Variants in PLCG2 observed in about 807,000 individuals in gnomAD.
PLCG2 encodes 1-phosphatidylinositol 4,5-bisphosphate phosphodiesterase gamma-2.
Under a neutral mutation model 175.6 loss-of-function variants are expected in PLCG2, and 69 were observed. The ratio of observed to expected loss-of-function variants is 0.39; its 90% CI spans 0.32 to 0.48. The LOEUF (loss-of-function observed/expected upper bound fraction) is 0.48. Among genes scored for constraint, PLCG2 ranks in the 20% least tolerant of loss-of-function variants. PLCG2 has a pLI of 0.91. For missense variants in PLCG2, 1,798 were observed against 1,650.9 expected, an observed-to-expected ratio of 1.09 and a Z score of -1.54; for synonymous variants, 827 against 624.0, an observed-to-expected ratio of 1.33 and a Z score of -4.85.
At chr16:81,819,673 C>T (rs1904710245) in intron 2 of PLCG2, among the ~76,000 whole-genome samples, 1 of 152,194 alleles carries the variant, frequency 6.6e-6, no homozygotes, top group African/African-American at 2.4e-5. Context: ...CAACCTCCGC[C>T]TTCTGGTTTC....
At chr16:81,846,944 G>A (rs529806249) in intron 2 of PLCG2, among the ~76,000 whole-genome samples, 9 of 152,206 alleles carry the variant, frequency 5.9e-5, no homozygotes, top group South Asian at 4.2e-4. Context: ...ACACCAGTTT[G>A]GTGTCCTCTA....
chr16:81,865,355 A>C (rs1175596468), intron 5 of PLCG2, among the ~76,000 whole-genome samples: 1 of 152,010 alleles, frequency 6.6e-6, no homozygotes, highest in Non-Finnish European at 1.5e-5. Flanking sequence ...GCAGCACGAC[A>C]CACACACATC....
intron 2 of PLCG2, among the ~76,000 whole-genome samples, chr16:81,812,711 C>A (rs1051039982): frequency 1.1e-4 from 16 of 151,860 alleles, no homozygotes; most frequent in African/African-American, 3.9e-4. Flanking sequence ...GTTAATTTTG[C>A]CATTGCTTTT....
chr16:81,893,534 C>A (rs1306544675), intron 11 of PLCG2, among the ~76,000 whole-genome samples, 175 bp from the exon 12 acceptor site: 2 of 152,188 alleles, frequency 1.3e-5, no homozygotes, highest in East Asian at 3.8e-4. Context: ...CCAGTGTGAC[C>A]GTGGGATTGT....
At chr16:81,773,375 A>G (rs1200942723) in intron 2 of PLCG2, among the ~76,000 whole-genome samples, 1 of 152,174 alleles carries the variant, frequency 6.6e-6, no homozygotes, top group Non-Finnish European at 1.5e-5. Flanking sequence ...GTCCTAGTGG[A>G]GACTCCAGAC....
intron 2 of PLCG2, among the ~76,000 whole-genome samples, chr16:81,788,050 G>T (rs1265570745): frequency 1.3e-5 from 2 of 152,140 alleles, no homozygotes; most frequent in Non-Finnish European, 2.9e-5. Flanking sequence ...TTTTTGTGTG[G>T]ATGTCTGTTT....
At chr16:81,923,034 T>A (rs1597134434) in intron 21 of PLCG2, among the ~76,000 whole-genome samples, 1 of 152,270 alleles carries the variant, frequency 6.6e-6, no homozygotes, top group East Asian at 1.9e-4. Context: ...GCAGGAAGAA[T>A]GGGGTTGCCC....
chr16:81,800,856 A>G (rs1911688425), intron 2 of PLCG2, among the ~76,000 whole-genome samples: 1 of 152,108 alleles, frequency 6.6e-6, no homozygotes, highest in Non-Finnish European at 1.5e-5. Flanking sequence ...ATCTGGGTGG[A>G]TATGATGAAA....
At chr16:81,746,421 A>G (rs895571090) in intron 1 of PLCG2, among the ~76,000 whole-genome samples, 2 of 152,232 alleles carry the variant, frequency 1.3e-5, no homozygotes, top group Non-Finnish European at 2.9e-5. Flanking sequence ...AATGTAGTCG[A>G]AACGGCCGCT....
chr16:81,743,871 T>A (rs919749356), intron 1 of PLCG2, among the ~76,000 whole-genome samples: 1 of 151,902 alleles, frequency 6.6e-6, no homozygotes, highest in Non-Finnish European at 1.5e-5. Context: ...TTTTCTTTTT[T>A]TTTTTAAGAC....
At chr16:81,930,112 G>T (rs1438850063) in intron 24 of PLCG2, among the ~76,000 whole-genome samples, 1 of 152,120 alleles carries the variant, frequency 6.6e-6, no homozygotes, top group African/African-American at 2.4e-5. Context: ...GAGGTGGGTG[G>T]ATCCCTTGAG....
intron 4 of PLCG2, 67 bp downstream of exon 4, chr16:81,858,423 A>T (rs1024240350): frequency 1.8e-6 from 2 of 1,115,340 alleles, no homozygotes; most frequent in East Asian, 4.9e-5. Context: ...TTTAGCCAAC[A>T]TGGGCTACAG....
intron 19 of PLCG2, among the ~76,000 whole-genome samples, chr16:81,913,073 C>T (rs768666061): frequency 5.9e-5 from 9 of 152,168 alleles, no homozygotes; most frequent in Non-Finnish European, 7.3e-5. Flanking sequence ...GGGATTCGAG[C>T]CCAGACAGCC....
intron 22 of PLCG2, among the ~76,000 whole-genome samples, chr16:81,925,259 G>A (rs576963292): frequency 1.7e-4 from 26 of 152,300 alleles, no homozygotes; most frequent in Middle Eastern, 3.4e-3. Flanking sequence ...CTAGGGGGCC[G>A]CCTGGGTGAA....
In PLCG2 at chr16:81,895,794, T is replaced by C; in HGVS notation, c.1073-13T>C. 6.2e-7 allele frequency: 1 copy of C among 1,613,864 alleles called. No homozygotes were observed. Among genetic ancestry groups the C allele is most frequent in the Non-Finnish European group, 8.5e-7 (1 of 1,179,924 alleles). On this transcript the variant is annotated splice_polypyrimidine_tract_variant and intron_variant, in intron 12 of 32. Transcript: ENST00000564138. ...CACACGTGGTATTGAGGCTGCCGCG[T>C]TTCTCCCTGTAGTGGACTGCTGGGA...
intron 2 of PLCG2, among the ~76,000 whole-genome samples, chr16:81,839,663 A>G (rs1300872870): frequency 6.6e-6 from 1 of 152,244 alleles, no homozygotes; most frequent in Non-Finnish European, 1.5e-5. Context: ...ATTTTAAAAT[A>G]TACTACAGTT....
At chr16:81,944,317 T>C (rs894727386) in intron 30 of PLCG2, among the ~76,000 whole-genome samples, 1 of 148,566 alleles carries the variant, frequency 6.7e-6, no homozygotes, top group African/African-American at 2.4e-5. Context: ...GAAAACATTA[T>C]GTATCGAACA....
intron 2 of PLCG2, among the ~76,000 whole-genome samples, chr16:81,803,090 A>G (rs1297244511): frequency 6.6e-6 from 1 of 150,684 alleles, no homozygotes; most frequent in Non-Finnish European, 1.5e-5. Context: ...CATTTCTCAC[A>G]ATACATGGCT....
intron 22 of PLCG2, among the ~76,000 whole-genome samples, chr16:81,923,806 C>G (rs1910154452): frequency 6.6e-6 from 1 of 152,188 alleles, no homozygotes; most frequent in Non-Finnish European, 1.5e-5. Flanking sequence ...ATCGACATAT[C>G]ATATCATATA....
Sources: allele counts gnomAD v4.1 joint callset (sites outside exome capture counted in the v4.1 genomes callset), GRCh38; gene constraint gnomAD v4.1.1; transcripts MANE v1.5; gene names NCBI Gene and HGNC (gene_info 2026-07-23, HGNC 2026-07-21).